ICA1: variants seen among roughly 807,000 people sequenced by gnomAD.
ICA1 encodes the protein islet cell autoantigen 1, also known as 69 kDa islet cell autoantigen.
In ICA1, 40 loss-of-function variants were observed where a neutral mutation model predicts 71.0. The observed-to-expected ratio is 0.56, with a 90% CI of 0.44 to 0.73. The LOEUF (loss-of-function observed/expected upper bound fraction) is 0.73, where lower values mean the gene tolerates loss of function less well. Ranked by LOEUF, ICA1 falls within the 30% of genes least tolerant of loss-of-function variation. The probability of loss-of-function intolerance (pLI) is 0.00; values close to 1 mark genes in which losing one functional copy is unlikely to be tolerated. For missense variants in ICA1, 578 were observed against 576.5 expected (o/e 1.00, Z -0.03); for synonymous variants, 207 against 209.5 (o/e 0.99, Z 0.10).
intron 6 of ICA1, among the ~76,000 whole-genome samples, chr7:8,188,198 G>A (rs1784472378): frequency 6.6e-6 from 1 of 152,200 alleles, no homozygotes; most frequent in Admixed American, 6.5e-5. Context: ...TTATCAAACT[G>A]CTTTCATAGA....
At chr7:8,162,960 C>T (rs1804451328) in intron 6 of ICA1, among the ~76,000 whole-genome samples, 1 of 152,188 alleles carries the variant, frequency 6.6e-6, no homozygotes, top group African/African-American at 2.4e-5. Flanking sequence ...GATACGGTTT[C>T]ACCATGTTGG....
chr7:8,134,782 T>C (rs1792775947), intron 12 of ICA1, among the ~76,000 whole-genome samples: 1 of 152,036 alleles, frequency 6.6e-6, no homozygotes, highest in Non-Finnish European at 1.5e-5. Flanking sequence ...TGAAAAATGA[T>C]ATAGATTATA....
chr7:8,158,815 C>T (rs1488089861), intron 6 of ICA1, among the ~76,000 whole-genome samples, 163 bp from the exon 7 acceptor site: 1 of 152,196 alleles, frequency 6.6e-6, no homozygotes, highest in African/African-American at 2.4e-5. Context: ...TCTTTACCTC[C>T]AAAGGAGCCA....
chr7:8,140,283 C>A (rs6943336), intron 10 of ICA1, among the ~76,000 whole-genome samples: 4,869 of 152,200 alleles, frequency 0.032, 244 homozygotes, highest in African/African-American at 0.11. Context: ...CCAACAAGAG[C>A]AGGCCCAGCT....
chr7:8,121,279 T>TCCATCCATCCAGCCAG (rs1554272232), intron 13 of ICA1, among the ~76,000 whole-genome samples: 5 of 152,216 alleles, frequency 3.3e-5, no homozygotes, highest in African/African-American at 1.2e-4. Context: ...TTGCCTGCCA[T>TCCATCCATCCAGCCAG]CCAGCCAGCC....
rs571846366 is a variant in ICA1 at position 8,131,879 on chromosome 7, T to C, written c.1061-3737A>G. Among the ~76,000 whole-genome samples, 12 of 152,364 alleles carry C rather than the reference T, an allele frequency of 7.9e-5. No individual in the cohort carries two copies. In the East Asian group the frequency reaches 2.1e-3, roughly 27 times the overall value. Reference sequence around the variant, plus strand: ...ACATGCAGAGATGTGATAAGCTCTTTGGGAGAAACTCTAGTAAGAAACTCC... The same window carrying C: ...ACATGCAGAGATGTGATAAGCTCTTCGGGAGAAACTCTAGTAAGAAACTCC... On this transcript the variant is annotated intron_variant, in intron 12 of 13. Coordinates refer to ENST00000402384, the MANE Select transcript of ICA1 (RefSeq NM_001136020.3).
At chr7:8,134,672 C>G (rs1286967661) in intron 12 of ICA1, among the ~76,000 whole-genome samples, 2 of 152,128 alleles carry the variant, frequency 1.3e-5, no homozygotes, top group Non-Finnish European at 2.9e-5. Context: ...GGGAGGAAAA[C>G]ACCTTACGAA....
At chr7:8,221,495 G>A in intron 4 of ICA1, 97 bp from the exon 5 acceptor site, 1 of 1,372,426 alleles carries the variant, frequency 7.3e-7, no homozygotes, top group Non-Finnish European at 1.0e-6. Flanking sequence ...CTCTTCCAGA[G>A]GCGAAGACGA....
At chr7:8,204,261 T>C (rs1175831826) in intron 6 of ICA1, among the ~76,000 whole-genome samples, 1 of 152,146 alleles carries the variant, frequency 6.6e-6, no homozygotes, top group Non-Finnish European at 1.5e-5. Flanking sequence ...GTTTATCGGA[T>C]TGTAGTAATA....
intron 1 of ICA1, among the ~76,000 whole-genome samples, chr7:8,240,014 C>A (rs1297331691): frequency 6.6e-6 from 1 of 152,190 alleles, no homozygotes; most frequent in Non-Finnish European, 1.5e-5. Context: ...CAGACTTAAA[C>A]GTCCCTGTCT....
At chr7:8,255,608 C>T (rs377141259) in intron 1 of ICA1, among the ~76,000 whole-genome samples, 1 of 152,178 alleles carries the variant, frequency 6.6e-6, no homozygotes, top group Non-Finnish European at 1.5e-5. Context: ...ATTTCCACCT[C>T]CAGATGGTAA....
At chr7:8,148,256 T>C (rs1797714694) in intron 8 of ICA1, among the ~76,000 whole-genome samples, 1 of 152,184 alleles carries the variant, frequency 6.6e-6, no homozygotes, top group Non-Finnish European at 1.5e-5. Context: ...CCCACGGTAT[T>C]TGTGATTGTG....
intron 10 of ICA1, 97 bp downstream of exon 10, chr7:8,141,664 GAAGA>G (rs1380957400): frequency 2.8e-6 from 2 of 707,342 alleles, no homozygotes; most frequent in Non-Finnish European, 2.4e-6. Flanking sequence ...AGTTGAAAAA[GAAGA>G]AAGGCCTAGG....
intron 13 of ICA1, among the ~76,000 whole-genome samples, chr7:8,124,870 C>G (rs537339188): frequency 2.0e-5 from 3 of 152,044 alleles, no homozygotes; most frequent in African/African-American, 7.2e-5. Flanking sequence ...CTCACTGCAA[C>G]CTCTACCTCC....
At position 8,232,674 on chromosome 7, in the gene ICA1, C is replaced by T. The variant is rs745708769; in HGVS notation, c.99G>A (p.Thr33=). 1.2e-5 allele frequency: 20 copies of T among 1,613,100 alleles called. No homozygotes were observed. The highest frequency in any genetic ancestry group is 2.2e-5 in the South Asian group (2 of 90,798). ...VNKMQQKYWE[T]KQAFIKATGK... ...CTGTGGCTTTAATAAAGGCCTGCTT[C>T]GTCTCCCAATATTTCTGTTGCATCT... Residue 33 remains threonine (T), a synonymous_variant, in exon 3 of 14, where the codon ACG becomes ACA. Transcript: ENST00000402384.
At chr7:8,183,747 G>C (rs1041208875) in intron 6 of ICA1, among the ~76,000 whole-genome samples, 1 of 152,146 alleles carries the variant, frequency 6.6e-6, no homozygotes, top group Non-Finnish European at 1.5e-5. Flanking sequence ...ATTAGGAGTT[G>C]CATGCAAGGC....
intron 12 of ICA1, among the ~76,000 whole-genome samples, chr7:8,138,030 G>A (rs187589846): frequency 3.3e-4 from 50 of 152,288 alleles, no homozygotes; most frequent in Middle Eastern, 3.4e-3. Context: ...ATGCTCTGGA[G>A]TTTGGCTCTA....
intron 8 of ICA1, among the ~76,000 whole-genome samples, chr7:8,145,305 A>T (rs1355658528): frequency 1.3e-5 from 2 of 152,082 alleles, no homozygotes; most frequent in Non-Finnish European, 2.9e-5. Context: ...GCTCCCTACC[A>T]TCCCCCAAAC....
In ICA1 at chr7:8,140,574, C is replaced by T. The variant is rs576713195; in HGVS notation, c.955+1191G>A. ...TAATGATTAGATTACCATCTGCTTG[C>T]CCTTTTGACTGTCAGCCTCATCCTG... On this transcript the variant is annotated intron_variant, in intron 10 of 13. Coordinates refer to ENST00000402384, the MANE Select transcript of ICA1 (RefSeq NM_001136020.3). 4.6e-5 allele frequency among the ~76,000 whole-genome samples: 7 copies of T among 152,334 alleles called. No individual in the cohort carries two copies. In the South Asian group the frequency reaches 1.0e-3, roughly 23 times the overall value.
Sources: gnomAD v4.1 joint callset for allele counts (sites outside exome capture counted in the v4.1 genomes callset) on GRCh38, gnomAD v4.1.1 for gene constraint, MANE v1.5 for transcripts, NCBI Gene and HGNC (gene_info 2026-07-23, HGNC 2026-07-21) for gene names.